Variants in GBA1 observed in about 807,000 individuals in gnomAD.
The protein encoded by GBA1 is lysosomal acid glucosylceramidase.
chr1:155,237,963 C>A, the GBA1 span: 7 of 744,688 alleles, frequency 9.4e-6, no homozygotes, highest in Admixed American at 9.5e-5. Flanking sequence ...GAACAGGAAG[C>A]CTGATGGAGT....
the GBA1 span, chr1:155,236,522 T>A: frequency 3.6e-6 from 5 of 1,376,762 alleles, no homozygotes; most frequent in Non-Finnish European, 5.2e-6. Flanking sequence ...TTCTGGAACT[T>A]CTAGTTCCTG....
chr1:155,239,469 T>C, the GBA1 span: 1 of 853,444 alleles, frequency 1.2e-6, no homozygotes, highest in African/African-American at 1.7e-5. Flanking sequence ...AGGCAGAGGT[T>C]GCTGTGAGGG....
chr1:155,236,045 C>T, the GBA1 span: 1 of 733,622 alleles, frequency 1.4e-6, no homozygotes, highest in Non-Finnish European at 2.4e-6. Flanking sequence ...GCTGCAAGTG[C>T]CTCAGTAGTT....
chr1:155,241,195 G>A, the GBA1 span: 2 of 1,374,282 alleles, frequency 1.5e-6, no homozygotes, highest in Non-Finnish European at 2.1e-6. Flanking sequence ...ACAAAAACAA[G>A]GATGCAGGTA....
At chr1:155,237,621 A>G in the GBA1 span, 2 of 1,609,468 alleles carry the variant, frequency 1.2e-6, no homozygotes, top group African/African-American at 1.3e-5. Flanking sequence ...AAGAAAGTGG[A>G]CCAGACCAGC....
the GBA1 span, chr1:155,236,553 G>T: frequency 9.1e-7 from 1 of 1,103,568 alleles, no homozygotes; most frequent in Non-Finnish European, 1.4e-6. Flanking sequence ...CCTGGAGTTG[G>T]GTGACGGGAA....
chr1:155,235,706 T>C, the GBA1 span: 1 of 1,611,258 alleles, frequency 6.2e-7, no homozygotes, highest in Admixed American at 1.7e-5. Context: ...TGGTAGAACA[T>C]GGGCTGTTTG....
the GBA1 span, among the ~76,000 whole-genome samples, chr1:155,242,974 A>G: frequency 1.3e-5 from 2 of 152,208 alleles, no homozygotes; most frequent in Admixed American, 6.5e-5. Context: ...TTGACTTTCA[A>G]TAAATCAATC....
chr1:155,240,350 GCTAC>G, the GBA1 span: 1 of 602,636 alleles, frequency 1.7e-6, no homozygotes, highest in East Asian at 2.8e-5. Context: ...TGTAATCCCA[GCTAC>G]CTGGGAAGCT....
At chr1:155,237,635 G>A in the GBA1 span, 1 of 1,603,042 alleles carries the variant, frequency 6.2e-7, no homozygotes, top group Non-Finnish European at 8.5e-7. Flanking sequence ...GACCAGCTGG[G>A]TGTGGTGGCT....
chr1:155,239,117 C>A, the GBA1 span, among the ~76,000 whole-genome samples: 1 of 151,674 alleles, frequency 6.6e-6, no homozygotes, highest in African/African-American at 2.4e-5. Flanking sequence ...ACTCGAGAGG[C>A]TGAGACAGGA....
the GBA1 span, chr1:155,239,648 T>C: frequency 6.2e-7 from 1 of 1,614,176 alleles, no homozygotes; most frequent in Non-Finnish European, 8.5e-7. Flanking sequence ...AAGTAGCAAA[T>C]TTTGGGCAGG....
chr1:155,243,936 C>T, the GBA1 span, among the ~76,000 whole-genome samples: 1 of 152,124 alleles, frequency 6.6e-6, no homozygotes, highest in East Asian at 1.9e-4. Flanking sequence ...ATCCCAACCC[C>T]GACGCTCGTC....
the GBA1 span, chr1:155,241,080 T>C: frequency 6.2e-7 from 1 of 1,613,256 alleles, no homozygotes; most frequent in East Asian, 2.2e-5. Context: ...GAGCTCTCTC[T>C]CTTACCTCTC....
the GBA1 span, chr1:155,237,557 C>T: frequency 6.2e-7 from 1 of 1,613,862 alleles, no homozygotes; most frequent in South Asian, 1.1e-5. Flanking sequence ...GTAACTTGTG[C>T]TCAGCATAGG....
At chr1:155,236,593 T>C in the GBA1 span, 1 of 809,086 alleles carries the variant, frequency 1.2e-6, no homozygotes, top group Non-Finnish European at 2.1e-6. Flanking sequence ...TGGGGAGATT[T>C]TTTTTTGTTT....
chr1:155,243,542 G>T, the GBA1 span, among the ~76,000 whole-genome samples: 1 of 152,066 alleles, frequency 6.6e-6, no homozygotes. Flanking sequence ...TTTCGGCTCA[G>T]TGCAACCTCT....
chr1:155,237,428 A>C, the GBA1 span: 1 of 1,613,926 alleles, frequency 6.2e-7, no homozygotes, highest in East Asian at 2.2e-5. Flanking sequence ...CGAGGGTAGG[A>C]CCTAGGTCAC....
chr1:155,237,389 T>C, the GBA1 span: 2 of 1,613,980 alleles, frequency 1.2e-6, no homozygotes, highest in Non-Finnish European at 1.7e-6. Context: ...CCAGCATGAG[T>C]AGGCGGACAT....
Sources: allele counts gnomAD v4.1 joint callset (sites outside exome capture counted in the v4.1 genomes callset), GRCh38; gene constraint gnomAD v4.1.1; transcripts MANE v1.5; gene names NCBI Gene and HGNC (gene_info 2026-07-23, HGNC 2026-07-21).